Variants in C19orf47 observed in about 807,000 individuals in gnomAD.
C19orf47 encodes uncharacterized protein C19orf47.
Under a neutral mutation model 32.3 loss-of-function variants are expected in C19orf47, and 18 were observed. The observed-to-expected ratio is 0.56, with a 90% confidence interval of 0.39 to 0.83. The LOEUF is 0.83. Ranked by LOEUF, C19orf47 falls within the 40% of genes least tolerant of loss-of-function variation. The pLI is 0.00. For missense variants in C19orf47, 484 were observed against 531.6 expected, an observed-to-expected ratio of 0.91 and a Z score of 0.88; for synonymous variants, 202 against 211.1, an observed-to-expected ratio of 0.96 and a Z score of 0.37.
At chr19:40,293,772 C>T in the C19orf47 span, among the ~76,000 whole-genome samples, 5 of 152,024 alleles carry the variant, frequency 3.3e-5, no homozygotes, top group Admixed American at 2.6e-4. Flanking sequence ...CCTTTTGCTA[C>T]TGTTAATCTG....
the C19orf47 span, among the ~76,000 whole-genome samples, chr19:40,312,003 G>A: frequency 6.6e-6 from 1 of 152,066 alleles, no homozygotes; most frequent in African/African-American, 2.4e-5. Context: ...ATATTGATAT[G>A]TGCAACATTA....
chr19:40,322,130 C>A lies in C19orf47; in HGVS notation c.910G>T (p.Glu304Ter). The A allele has an allele frequency of 6.2e-7, 1 of 1,614,068 alleles. No individual in the cohort carries two copies. ...RLALSSRSGL[E>*]RKPESLSKVS... ...TTAGACAAGGACTCCGGCTTCCTCT[C>A]AAGCCCAGACCGTGAGGAAAGCGCC... The change falls in exon 9 of 9, where the codon GAG (glutamate) becomes TAG (stop). Residue 304 changes from glutamate (E) to a stop codon, truncating the protein, a stop_gained. Coordinates refer to ENST00000683109, the MANE Select transcript of C19orf47 (RefSeq NM_001256441.2). LOFTEE classifies it high-confidence loss of function.
In C19orf47 at chr19:40,321,983, C is replaced by G. The variant is rs145565967; in HGVS notation, c.1057G>C (p.Val353Leu). 51 of 1,613,898 alleles carry G rather than the reference C, an allele frequency of 3.2e-5. No homozygotes were observed. The highest frequency in any genetic ancestry group is 4.2e-5 in the Non-Finnish European group (50 of 1,179,954). Residue 353 changes from valine to leucine, a missense_variant, in exon 9 of 9, where the codon GTG (valine) becomes CTG (leucine). By Grantham distance (32) the Val-to-Leu change is conservative (BLOSUM62 1). Coordinates refer to ENST00000683109, the MANE Select transcript of C19orf47 (RefSeq NM_001256441.2). ...EVKVTIKRTL[V>L]GPRGSSSSEG... is the part of the protein sequence containing the mutation. ...CTGGAGCTGCTCCCCCGGGGCCCCACCAGAGTCCTCTTAATGGTGACCTTG... is the reference window on the plus strand; with the variant it reads ...CTGGAGCTGCTCCCCCGGGGCCCCAGCAGAGTCCTCTTAATGGTGACCTTG...
downstream of C19orf47, among the ~76,000 whole-genome samples, chr19:40,318,879 A>G (rs970034605): frequency 2.0e-5 from 3 of 152,216 alleles, no homozygotes; most frequent in African/African-American, 7.2e-5. Context: ...ACTGAAAATA[A>G]TGGATTTAGG....
the C19orf47 span, among the ~76,000 whole-genome samples, chr19:40,304,157 C>T: frequency 6.6e-6 from 1 of 152,144 alleles, no homozygotes. Context: ...AAACACTAAT[C>T]TGATTTTTCT....
At chr19:40,338,478 G>A (rs192162094) in intron 2 of C19orf47, among the ~76,000 whole-genome samples, 401 of 151,768 alleles carry the variant, frequency 2.6e-3, no homozygotes, top group Non-Finnish European at 4.4e-3. Flanking sequence ...CTCCACCTCC[G>A]GGTTCAAGCA....
chr19:40,307,605 C>T, the C19orf47 span, among the ~76,000 whole-genome samples: 1 of 152,082 alleles, frequency 6.6e-6, no homozygotes, highest in South Asian at 2.1e-4. Flanking sequence ...GTATTGAACT[C>T]CTGAGCTCAA....
chr19:40,315,742 T>C (rs146960618), downstream of C19orf47, among the ~76,000 whole-genome samples: 61 of 150,480 alleles, frequency 4.1e-4, 1 homozygote, highest in East Asian at 0.012. Flanking sequence ...ATCACCCCAC[T>C]GCACTCCAGC....
chr19:40,294,986 A>T, the C19orf47 span, among the ~76,000 whole-genome samples: 1 of 152,182 alleles, frequency 6.6e-6, no homozygotes, highest in East Asian at 1.9e-4. Context: ...TTACACAAAC[A>T]CTATCCTTAA....
chr19:40,321,966 G>T lies in C19orf47; in HGVS notation c.1074C>A (p.Ser358Arg), dbSNP rs1035060084. The T allele has an allele frequency of 1.2e-6, 2 of 1,613,728 alleles. No individual in the cohort carries two copies. The highest frequency in any genetic ancestry group is 2.7e-5 in the African/African-American group (2 of 74,942). ...GGGCACCAAGGCCCTCGCTGGAGCT[G>T]CTCCCCCGGGGCCCCACCAGAGTCC... ...IKRTLVGPRG[S>R]SSSEGLGAQM... is the part of the protein sequence containing the mutation. The change falls in exon 9 of 9, where the codon AGC becomes AGA. Residue 358 changes from serine (S) to arginine (R), a missense_variant. By Grantham distance (110) the Ser-to-Arg change is moderately radical. Coordinates refer to ENST00000683109, the MANE Select transcript of C19orf47 (RefSeq NM_001256441.2).
intron 2 of C19orf47, 176 bp downstream of exon 2, chr19:40,341,663 G>T: frequency 1.2e-6 from 1 of 833,466 alleles, no homozygotes; most frequent in Non-Finnish European, 1.8e-6. Context: ...GAGATCCAGT[G>T]ATGAGGCGGG....
intron 5 of C19orf47, among the ~76,000 whole-genome samples, chr19:40,330,226 T>TC (rs1400781673): frequency 6.6e-6 from 1 of 151,868 alleles, no homozygotes; most frequent in African/African-American, 2.4e-5. Context: ...ACTTTCCCTT[T>TC]CTTTTTTTTC....
At chr19:40,313,642 A>C in the C19orf47 span, among the ~76,000 whole-genome samples, 1 of 152,158 alleles carries the variant, frequency 6.6e-6, no homozygotes, top group East Asian at 1.9e-4. Context: ...CCTTTTTAAG[A>C]ATGATTTACA....
intron 1 of C19orf47, among the ~76,000 whole-genome samples, chr19:40,347,797 T>C (rs1403629225): frequency 6.6e-6 from 1 of 152,160 alleles, no homozygotes; most frequent in East Asian, 1.9e-4. Context: ...ATTATCATTA[T>C]AGTCCCAATC....
At chr19:40,346,986 A>C (rs1487768347) in intron 1 of C19orf47, among the ~76,000 whole-genome samples, 1 of 152,186 alleles carries the variant, frequency 6.6e-6, no homozygotes, top group African/African-American at 2.4e-5. Context: ...CACTGACTTA[A>C]TGCTAGTTTT....
intron 2 of C19orf47, among the ~76,000 whole-genome samples, 160 bp from the exon 3 acceptor site, chr19:40,336,567 C>T (rs2078070283): frequency 6.6e-6 from 1 of 152,174 alleles, no homozygotes; most frequent in Admixed American, 6.5e-5. Flanking sequence ...GCCTTCCTGA[C>T]CCTGTGAGTT....
chr19:40,322,240 T>C lies in C19orf47; in HGVS notation c.800A>G (p.Lys267Arg). Residue 267 changes from lysine to arginine, a missense_variant, in exon 9 of 9, where the codon AAG becomes AGG. Lys to Arg is a conservative substitution (Grantham distance 26). Transcript: ENST00000683109. ...AGTCAGTGCTGGCTGGGGACTGGCC[T>C]TGGCTGGGCCCCGTCCTAGCTTCTT... The part of the protein sequence containing the change: ...VLKKLGRGPA[K>R]ASPQPALTVK... The C allele has an allele frequency of 3.7e-6, 6 of 1,609,220 alleles. 1 individual carries two copies. Among genetic ancestry groups the C allele is most frequent in the Middle Eastern group, 1.6e-4 (1 of 6,062 alleles).
chr19:40,326,209 A>G, intron 7 of C19orf47, 125 bp downstream of exon 7: 1 of 1,344,924 alleles, frequency 7.4e-7, no homozygotes, highest in Non-Finnish European at 1.0e-6. Context: ...CCCTTGGCCT[A>G]CGGCTCCTGC....
In C19orf47 at chr19:40,320,821, G is replaced by C. The variant is rs1013151857; in HGVS notation, c.*1061C>G. On this transcript the variant is annotated 3_prime_UTR_variant, in exon 9 of 9. Coordinates refer to ENST00000683109, the MANE Select transcript of C19orf47 (RefSeq NM_001256441.2). ...GTGCCAGCAGGCAGGTGAAATCCAT[G>C]GGGGGAGGGGATAGAGTGACAAAAC... 1.3e-5 allele frequency: 2 copies of C among 152,514 alleles called. No individual in the cohort carries two copies. The highest frequency in any genetic ancestry group is 4.8e-5 in the African/African-American group (2 of 41,572). The allele number at this position is 152,514 out of a possible 1,614,324, so 9.4% of individuals were successfully genotyped here.
Sources: gnomAD v4.1 joint callset for allele counts (sites outside exome capture counted in the v4.1 genomes callset) on GRCh38, gnomAD v4.1.1 for gene constraint, MANE v1.5 for transcripts, NCBI Gene and HGNC (gene_info 2026-07-23, HGNC 2026-07-21) for gene names.